PRKG1: variants seen among roughly 807,000 people sequenced by gnomAD.
PRKG1 encodes protein kinase cGMP-dependent 1.
A neutral mutation model predicts 88.1 loss-of-function variants in PRKG1; 35 were observed. The ratio of observed to expected loss-of-function variants is 0.40; its 90% CI spans 0.30 to 0.53. The LOEUF is 0.53. PRKG1 is among the 20% of genes least tolerant of loss of function. PRKG1 has a pLI of 0.59. For synonymous variants in PRKG1, 303 were observed against 292.5 expected (o/e 1.04, Z -0.37); for missense variants, 540 against 839.8 (o/e 0.64, Z 4.41).
intron 3 of PRKG1, among the ~76,000 whole-genome samples, chr10:51,775,527 G>A (rs1470632316): frequency 2.0e-5 from 3 of 151,740 alleles, no homozygotes; most frequent in East Asian, 3.9e-4. Flanking sequence ...GAAGGGAAGC[G>A]CCTTCTCCTT....
intron 5 of PRKG1, among the ~76,000 whole-genome samples, chr10:51,970,523 A>T (rs28503173): frequency 0.089 from 13,396 of 151,234 alleles, 1,726 homozygotes; most frequent in African/African-American, 0.28. Flanking sequence ...AAATTGTATT[A>T]TGAACTCTCA....
chr10:51,016,154 C>T (rs1381854230), intron 1 of PRKG1, among the ~76,000 whole-genome samples: 2 of 151,774 alleles, frequency 1.3e-5, no homozygotes, highest in African/African-American at 4.9e-5. Flanking sequence ...ACACATTTTA[C>T]TGATTGCATT....
chr10:51,398,511 T>C (rs1307484693), intron 2 of PRKG1, among the ~76,000 whole-genome samples: 2 of 152,062 alleles, frequency 1.3e-5, no homozygotes, highest in African/African-American at 4.8e-5. Context: ...AACAAAATAA[T>C]AGGTGTCTAG....
intron 9 of PRKG1, among the ~76,000 whole-genome samples, chr10:52,195,460 G>T (rs1381866581): frequency 6.6e-6 from 1 of 152,050 alleles, no homozygotes; most frequent in African/African-American, 2.4e-5. Context: ...AATTAGAATT[G>T]GTTGATGATC....
chr10:50,993,579 G>C (rs748516317), intron 1 of PRKG1, among the ~76,000 whole-genome samples: 45 of 152,196 alleles, frequency 3.0e-4, no homozygotes, highest in Non-Finnish European at 5.7e-4. Flanking sequence ...CTTCATCAGC[G>C]GTCACCCGGC....
At chr10:51,363,393 CGAG>C (rs1400043545) in intron 2 of PRKG1, among the ~76,000 whole-genome samples, 2 of 151,476 alleles carry the variant, frequency 1.3e-5, no homozygotes, top group African/African-American at 2.4e-5. Context: ...TTTGATATTG[CGAG>C]GAGAAGATTG....
chr10:51,363,596 T>C (rs1842529967), intron 2 of PRKG1, among the ~76,000 whole-genome samples: 3 of 151,972 alleles, frequency 2.0e-5, no homozygotes, highest in African/African-American at 7.2e-5. Flanking sequence ...TATCTTGTTA[T>C]TGGTTAACTA....
At chr10:52,281,024 CTTTTCA>C in intron 13 of PRKG1, 94 bp downstream of exon 13, 1 of 1,403,920 alleles carries the variant, frequency 7.1e-7, no homozygotes, top group Admixed American at 2.2e-5. Context: ...CTGAGTTTTC[CTTTTCA>C]ATGTTGTAAC....
intron 3 of PRKG1, among the ~76,000 whole-genome samples, chr10:51,519,230 T>A (rs1398921550): frequency 6.6e-6 from 1 of 152,190 alleles, no homozygotes; most frequent in East Asian, 1.9e-4. Flanking sequence ...TAGTGCCTGC[T>A]ATAGAACCAG....
intron 2 of PRKG1, among the ~76,000 whole-genome samples, chr10:51,228,404 G>T (rs1838749561): frequency 6.6e-6 from 1 of 152,160 alleles, no homozygotes; most frequent in African/African-American, 2.4e-5. Flanking sequence ...TACTTGTACT[G>T]GTTATGCAGT....
At chr10:51,897,972 T>TA (rs1264830508) in intron 4 of PRKG1, among the ~76,000 whole-genome samples, 3 of 152,152 alleles carry the variant, frequency 2.0e-5, no homozygotes, top group Admixed American at 1.3e-4. Flanking sequence ...CAATGATCTA[T>TA]AAGCCCCTTT....
intron 8 of PRKG1, among the ~76,000 whole-genome samples, chr10:52,136,497 T>C (rs1276017656): frequency 6.6e-6 from 1 of 151,958 alleles, no homozygotes; most frequent in Non-Finnish European, 1.5e-5. Context: ...CCTAATTTTC[T>C]CTCCTTATCC....
In PRKG1 at chr10:52,288,829, T is replaced by G; in HGVS notation, c.1813T>G (p.Leu605Val). The G allele has an allele frequency of 6.2e-7, 1 of 1,604,350 alleles. No homozygotes were observed. Among genetic ancestry groups the G allele is most frequent in the South Asian group, 1.1e-5 (1 of 88,782 alleles). ...PKKIAKNAAN[L>V]IKKLCRDNPS... ...GAAGATTGCCAAAAATGCTGCTAAT[T>G]TAATTAAAAAACTATGCAGGTAAGT... The change falls in exon 15 of 18, where the codon TTA becomes GTA. Residue 605 changes from leucine (L) to valine (V), a missense_variant. Leu to Val is a conservative substitution (Grantham distance 32). Transcript: ENST00000373980.
At position 52,281,952 on chromosome 10, in the gene PRKG1, C is replaced by T. The variant is rs114298342; in HGVS notation, c.1546-201C>T. 0.01 allele frequency among the ~76,000 whole-genome samples: 1,537 copies of T among 152,194 alleles called. 28 individuals are homozygous for T. The highest frequency in any genetic ancestry group is 0.035 in the African/African-American group (1,471 of 41,540). On this transcript the variant is annotated intron_variant, in intron 13 of 17. Coordinates refer to ENST00000373980, the MANE Select transcript of PRKG1 (RefSeq NM_006258.4). ...AATGATGTGAATTTTATGCTATACT[C>T]AGGTGTCAACTTTTGCCATTAAAAC...
intron 3 of PRKG1, among the ~76,000 whole-genome samples, chr10:51,730,367 C>A (rs915088787): frequency 1.3e-5 from 2 of 152,136 alleles, no homozygotes; most frequent in Non-Finnish European, 2.9e-5. Context: ...ACATGAATGA[C>A]AATTGAAAAT....
intron 4 of PRKG1, among the ~76,000 whole-genome samples, chr10:51,866,227 A>AT (rs1841012081): frequency 6.6e-6 from 1 of 152,056 alleles, no homozygotes; most frequent in Non-Finnish European, 1.5e-5. Context: ...ATATGAAGTA[A>AT]TTTTCTGAGA....
At chr10:51,919,439 T>A (rs1220630874) in intron 5 of PRKG1, among the ~76,000 whole-genome samples, 1 of 152,154 alleles carries the variant, frequency 6.6e-6, no homozygotes, top group Non-Finnish European at 1.5e-5. Context: ...GAGCTACCAT[T>A]CTTTTTTATT....
intron 2 of PRKG1, among the ~76,000 whole-genome samples, chr10:51,400,220 G>A (rs551198004): frequency 6.6e-6 from 1 of 152,138 alleles, no homozygotes; most frequent in East Asian, 1.9e-4. Flanking sequence ...CTGTATTTTT[G>A]TAGGGCAAAT....
intron 2 of PRKG1, among the ~76,000 whole-genome samples, chr10:51,334,744 G>A (rs2132536112): frequency 6.6e-6 from 1 of 152,228 alleles, no homozygotes; most frequent in African/African-American, 2.4e-5. Context: ...GAGGGAACCA[G>A]CAGTTATTGC....
Sources: gnomAD v4.1 joint callset for allele counts (sites outside exome capture counted in the v4.1 genomes callset) on GRCh38, gnomAD v4.1.1 for gene constraint, MANE v1.5 for transcripts, NCBI Gene and HGNC (gene_info 2026-07-23, HGNC 2026-07-21) for gene names.